Variants in RASA3 observed in about 807,000 individuals in gnomAD.
The protein encoded by RASA3 is ras GTPase-activating protein 3.
A neutral mutation model predicts 110.0 loss-of-function variants in RASA3; 73 were observed. That is an observed-to-expected ratio of 0.66 (90% confidence interval 0.55 to 0.81). The LOEUF is 0.81. RASA3 is among the 30% of genes least tolerant of loss of function. RASA3 has a pLI of 0.00. For missense variants in RASA3, 976 were observed against 1,113.2 expected (o/e 0.88, Z 1.75); for synonymous variants, 500 against 451.4 (o/e 1.11, Z -1.37).
At chr13:114,017,163 C>T in intron 12 of RASA3, 74 bp downstream of exon 12, 1 of 1,354,818 alleles carries the variant, frequency 7.4e-7, no homozygotes, top group South Asian at 1.2e-5. Context: ...GGCTGGATCC[C>T]AGTGCAGTGC....
rs566290618 is a variant in RASA3 at position 114,060,995 on chromosome 13, C to A, written c.174-8840G>T. Among the ~76,000 whole-genome samples, 233 of 145,480 alleles carry A rather than the reference C, an allele frequency of 1.6e-3. 1 individual carries two copies. The highest frequency in any genetic ancestry group is 6.1e-3 in the African/African-American group (222 of 36,542). On this transcript the variant is annotated intron_variant, in intron 2 of 23. Transcript: ENST00000334062. ...AGCCCCCCACAGCCGGCAGACGGAG[C>A]CCCCCACAGCCGGCAGACGGAGCCC...
At position 114,062,654 on chromosome 13, in the gene RASA3, G is replaced by T. The variant is rs542299246; in HGVS notation, c.174-10499C>A. 5.3e-5 allele frequency among the ~76,000 whole-genome samples: 8 copies of T among 151,346 alleles called. No individual in the cohort carries two copies. The East Asian group carries it at 1.4e-3, about 26-fold the overall frequency. On this transcript the variant is annotated intron_variant, in intron 2 of 23. Coordinates refer to ENST00000334062, the MANE Select transcript of RASA3 (RefSeq NM_007368.4). ...CACGTCCGCATGCAGACTCGGACAC[G>T]CGTGCTCACAGCCCACGTCCGCATG...
At position 114,132,600 on chromosome 13, in the gene RASA3, C is replaced by T. The variant is rs2080538416; in HGVS notation, c.-111G>A. 5 of 915,036 alleles carry T rather than the reference C, an allele frequency of 5.5e-6. No homozygotes were observed. The highest frequency in any genetic ancestry group is 3.5e-5 in the African/African-American group (2 of 56,740). The allele number at this position is 915,036 out of a possible 1,614,324, so 56.7% of individuals were successfully genotyped here. On this transcript the variant is annotated 5_prime_UTR_variant, in exon 1 of 24. Transcript: ENST00000334062. ...GGAGCCCCGAGCGCGGCCGAGGGTC[C>T]GCCCGCCTGCAAGACCGCCAGTTGG... is the stretch of plus-strand genomic sequence containing the variant.
intron 1 of RASA3, among the ~76,000 whole-genome samples, chr13:114,090,609 C>A (rs2079878430): frequency 6.6e-6 from 1 of 152,170 alleles, no homozygotes; most frequent in Non-Finnish European, 1.5e-5. Flanking sequence ...TTCACATTGC[C>A]CACACTGGAG....
intron 21 of RASA3, among the ~76,000 whole-genome samples, chr13:113,996,142 G>T (rs971678240): frequency 1.3e-5 from 2 of 152,110 alleles, no homozygotes; most frequent in East Asian, 3.9e-4. Context: ...GGGCTGCTGC[G>T]TCATGTGGAA....
At chr13:114,013,609 T>C (rs1408424740) in intron 14 of RASA3, among the ~76,000 whole-genome samples, 2 of 103,722 alleles carry the variant, frequency 1.9e-5, no homozygotes, top group African/African-American at 4.6e-5. Context: ...TCTGGCTCTC[T>C]CCCCCCCTCC....
rs747579577 is a variant in RASA3, at chr13:114,041,017, C to T, written c.355G>A (p.Ala119Thr). 2.1e-5 allele frequency: 34 copies of T among 1,613,610 alleles called. No individual in the cohort carries two copies. The highest frequency in any genetic ancestry group is 3.3e-5 in the Admixed American group (2 of 60,018). Residue 119 changes from alanine to threonine, a missense_variant, in exon 4 of 24, where the codon GCT (alanine) becomes ACT (threonine). By Grantham distance (58) the Ala-to-Thr change is moderately conservative (BLOSUM62 0). Transcript: ENST00000334062. ...DTWFQLQHVD[A>T]DSEVQGKVHL... ...AGTCTCACCTGCACTTCCGAGTCAG[C>T]GTCCACGTGCTGCAGCTGGAACCAG... is the stretch of plus-strand genomic sequence containing the variant.
At position 113,979,257 on chromosome 13, in the gene RASA3, G is replaced by A. The variant is rs1049746462; in HGVS notation, c.*90C>T. 7.8e-6 allele frequency: 10 copies of A among 1,289,832 alleles called. No individual in the cohort carries two copies. Among genetic ancestry groups the A allele is most frequent in the South Asian group, 2.4e-5 (2 of 84,080 alleles). 79.9% of individuals were successfully genotyped at this position (1,289,832 alleles called of 1,614,324 possible). A position where few individuals can be genotyped will look rare whatever the true frequency, so the allele number is the denominator to read the frequency against. On this transcript the variant is annotated 3_prime_UTR_variant, in exon 24 of 24. Coordinates refer to ENST00000334062, the MANE Select transcript of RASA3 (RefSeq NM_007368.4). ...GGGACGGCGTGCATCTCACTTTGCC[G>A]GCTCTGCGCTCTTCCTTCTCTTCTC... is the stretch of plus-strand genomic sequence containing the variant.
At chr13:114,079,506 A>T (rs944530073) in intron 1 of RASA3, among the ~76,000 whole-genome samples, 3 of 152,226 alleles carry the variant, frequency 2.0e-5, no homozygotes, top group African/African-American at 7.2e-5. Flanking sequence ...TCTTCTAACA[A>T]CATAAAGTAT....
intron 22 of RASA3, among the ~76,000 whole-genome samples, chr13:113,984,284 C>T (rs2052999491): frequency 8.2e-6 from 1 of 121,356 alleles, no homozygotes; most frequent in Non-Finnish European, 1.9e-5. Flanking sequence ...ACTCATCCCT[C>T]GGTCCATCCA....
intron 7 of RASA3, among the ~76,000 whole-genome samples, chr13:114,027,154 G>A (rs1048758458): frequency 6.6e-6 from 1 of 152,202 alleles, no homozygotes; most frequent in South Asian, 2.1e-4. Flanking sequence ...CTGTGGCCAC[G>A]GGTCCAATCC....
chr13:114,040,313 G>A (rs960046649), intron 4 of RASA3, among the ~76,000 whole-genome samples: 5 of 147,406 alleles, frequency 3.4e-5, no homozygotes, highest in African/African-American at 1.3e-4. Context: ...CGCTCACTCC[G>A]AGCACAAGCG....
intron 1 of RASA3, among the ~76,000 whole-genome samples, chr13:114,094,012 T>A (rs7329354): frequency 0.014 from 2,184 of 152,204 alleles, 27 homozygotes; most frequent in African/African-American, 0.041. Context: ...ATCCTTTGTC[T>A]GAGAGATCAC....
At chr13:114,119,360 C>T (rs1020010022) in intron 1 of RASA3, among the ~76,000 whole-genome samples, 2 of 152,228 alleles carry the variant, frequency 1.3e-5, no homozygotes, top group African/African-American at 4.8e-5. Flanking sequence ...GCCACTGATT[C>T]CAGACGGATG....
Position 114,068,904 on chromosome 13 carries a change from G to GT in RASA3, c.173+4815dup, listed in dbSNP as rs540787629. Reference sequence around the variant, plus strand: ...TGTGTCCACTTCGATGCGTTCTGAAGTTAAACCTGTGACAGACACTGCCCT... The same window carrying GT: ...TGTGTCCACTTCGATGCGTTCTGAAGTTTAAACCTGTGACAGACACTGCCCT... On this transcript the variant is annotated intron_variant, in intron 2 of 23. Transcript: ENST00000334062. Among the ~76,000 whole-genome samples the GT allele has an allele frequency of 4.2e-4, 64 of 152,342 alleles. No homozygotes were observed. In the South Asian group the frequency reaches 4.6e-3, roughly 11 times the overall value.
intron 2 of RASA3, among the ~76,000 whole-genome samples, chr13:114,053,997 G>T (rs1486706386): frequency 6.6e-6 from 1 of 151,966 alleles, no homozygotes; most frequent in East Asian, 1.9e-4. Context: ...ATGGTGGTGG[G>T]CGCCTGTAGT....
intron 1 of RASA3, chr13:114,077,872 A>G (rs2079718681): frequency 1.0e-6 from 1 of 984,278 alleles, no homozygotes; most frequent in Admixed American, 6.2e-5. Flanking sequence ...GCTATGATGC[A>G]TTTAATAAAA....
rs1244570583 is a variant in RASA3, at chr13:114,030,469, AAGGCTCACACAGAGG to A, written c.373-597_373-583del. 1.2e-4 allele frequency among the ~76,000 whole-genome samples: 14 copies of A among 114,944 alleles called. 1 individual carries two copies. The highest frequency in any genetic ancestry group is 4.2e-4 in the African/African-American group (14 of 32,944). 75.4% of individuals were successfully genotyped at this position (114,944 alleles called of 152,430 possible). A position where few individuals can be genotyped will look rare whatever the true frequency, so the allele number is the denominator to read the frequency against. ...AGAGGGCAAGGCTCACACAGAGGGCAAGGCTCACACAGAGGGCAAGACTCACACAGAGGGCAAGAC... is the reference window on the plus strand; with the variant it reads ...AGAGGGCAAGGCTCACACAGAGGGCAGCAAGACTCACACAGAGGGCAAGAC... On this transcript the variant is annotated intron_variant, in intron 4 of 23. Transcript: ENST00000334062.
chr13:114,121,024 C>G (rs561282388), intron 1 of RASA3, among the ~76,000 whole-genome samples: 1 of 152,274 alleles, frequency 6.6e-6, no homozygotes, highest in Non-Finnish European at 1.5e-5. Context: ...CATGCAGCCA[C>G]CTAAGAGAAC....
Sources: allele counts gnomAD v4.1 joint callset (sites outside exome capture counted in the v4.1 genomes callset), GRCh38; gene constraint gnomAD v4.1.1; transcripts MANE v1.5; gene names NCBI Gene and HGNC (gene_info 2026-07-23, HGNC 2026-07-21).